Variants in PTPRG observed in about 807,000 individuals in gnomAD.
The protein encoded by PTPRG is protein tyrosine phosphatase receptor type G.
PTPRG carries 102 observed loss-of-function variants against 165.3 expected under a neutral mutation model. That is an observed-to-expected ratio of 0.62 (90% confidence interval 0.53 to 0.73). The LOEUF is 0.73. Ranked by LOEUF, PTPRG falls within the 30% of genes least tolerant of loss-of-function variation. The pLI is 0.00. For synonymous variants in PTPRG, 675 were observed against 669.5 expected, an observed-to-expected ratio of 1.01 and a Z score of -0.13; for missense variants, 1,866 against 1,861.4, an observed-to-expected ratio of 1.00 and a Z score of -0.05.
chr3:62,037,159 A>G (rs1699972496), intron 4 of PTPRG, among the ~76,000 whole-genome samples: 2 of 152,216 alleles, frequency 1.3e-5, no homozygotes, highest in African/African-American at 4.8e-5. Flanking sequence ...GGAGTGGTTA[A>G]CTTACTGATG....
chr3:61,781,890 G>GTTT (rs34682047), intron 2 of PTPRG, among the ~76,000 whole-genome samples: 1,708 of 133,734 alleles, frequency 0.013, 40 homozygotes, highest in African/African-American at 0.022. Flanking sequence ...ACCATGCCCA[G>GTTT]TTTTTTTTTT....
At position 61,580,174 on chromosome 3, in the gene PTPRG, G is replaced by A. The variant is rs77898169; in HGVS notation, c.85+17802G>A. On this transcript the variant is annotated intron_variant, in intron 1 of 29. Coordinates refer to ENST00000474889, the MANE Select transcript of PTPRG (RefSeq NM_002841.4). ...CAGAGTTGTACTCTGAGCCAGGCAC[G>A]GTGGAACCTGTAATCCCAGCTACTC... Among the ~76,000 whole-genome samples, 6 of 152,208 alleles carry A rather than the reference G, an allele frequency of 3.9e-5. No homozygotes were observed. The East Asian group carries it at 5.8e-4, about 15-fold the overall frequency.
chr3:61,775,172 T>C (rs1438361974), intron 2 of PTPRG, among the ~76,000 whole-genome samples: 3 of 152,076 alleles, frequency 2.0e-5, no homozygotes, highest in Non-Finnish European at 2.9e-5. Context: ...CCAGGTTCAA[T>C]TGATTCTCCT....
chr3:61,741,778 C>T (rs1435472343), intron 1 of PTPRG, among the ~76,000 whole-genome samples: 1 of 152,012 alleles, frequency 6.6e-6, no homozygotes, highest in Non-Finnish European at 1.5e-5. Flanking sequence ...TTTTGGAATC[C>T]TTTGTGGCCA....
chr3:61,997,348 C>T (rs553386823), intron 3 of PTPRG, among the ~76,000 whole-genome samples: 10 of 152,272 alleles, frequency 6.6e-5, no homozygotes, highest in South Asian at 2.1e-4. Flanking sequence ...CTCTCTCAAG[C>T]ATATCAAGGA....
At chr3:61,636,706 C>G (rs1053478578) in intron 1 of PTPRG, among the ~76,000 whole-genome samples, 1 of 152,166 alleles carries the variant, frequency 6.6e-6, no homozygotes, top group African/African-American at 2.4e-5. Flanking sequence ...ACTCTCATTT[C>G]TTTATGGGTA....
At chr3:62,057,678 G>C (rs991899866) in intron 4 of PTPRG, among the ~76,000 whole-genome samples, 1 of 152,180 alleles carries the variant, frequency 6.6e-6, no homozygotes, top group Non-Finnish European at 1.5e-5. Flanking sequence ...TAACAGTGCT[G>C]ATGTATGGGA....
chr3:61,730,283 T>G (rs2032441731), intron 1 of PTPRG, among the ~76,000 whole-genome samples: 1 of 152,212 alleles, frequency 6.6e-6, no homozygotes, highest in Non-Finnish European at 1.5e-5. Context: ...TGCAGACCTT[T>G]ATGGCTCAAA....
rs575208131 is a variant in PTPRG, at chr3:62,075,387, T to C, written c.520-2776T>C. 1.1e-4 allele frequency among the ~76,000 whole-genome samples: 17 copies of C among 152,306 alleles called. No homozygotes were observed. In the South Asian group the frequency reaches 1.9e-3, roughly 17 times the overall value. The stretch of plus-strand genomic sequence containing the variant: ...TTAGTAGTATTGTATCCAAAGCAAT[T>C]CACCTAATATTAAACCATTCTAATC... On this transcript the variant is annotated intron_variant, in intron 4 of 29. Transcript: ENST00000474889.
chr3:61,994,422 G>A (rs963705118), intron 3 of PTPRG, among the ~76,000 whole-genome samples: 6 of 152,100 alleles, frequency 3.9e-5, no homozygotes, highest in African/African-American at 1.2e-4. Context: ...CATTGTATTG[G>A]TTTATTATAT....
intron 5 of PTPRG, among the ~76,000 whole-genome samples, chr3:62,121,242 C>T (rs544745534): frequency 1.8e-4 from 28 of 151,978 alleles, no homozygotes; most frequent in African/African-American, 5.8e-4. Flanking sequence ...CGTGAGCCAC[C>T]GCGCCCAGCC....
chr3:61,591,240 G>A (rs996086631), intron 1 of PTPRG, among the ~76,000 whole-genome samples: 2 of 152,224 alleles, frequency 1.3e-5, no homozygotes, highest in Non-Finnish European at 2.9e-5. Context: ...TGGATCATAG[G>A]ATAATAGAAA....
At chr3:62,206,223 G>C (rs1700225752) in intron 12 of PTPRG, among the ~76,000 whole-genome samples, 1 of 152,168 alleles carries the variant, frequency 6.6e-6, no homozygotes, top group African/African-American at 2.4e-5. Context: ...TCAGGTTCCA[G>C]ATTCCAGAGA....
At chr3:61,900,207 C>T (rs935689083) in intron 2 of PTPRG, among the ~76,000 whole-genome samples, 1 of 151,870 alleles carries the variant, frequency 6.6e-6, no homozygotes, top group Non-Finnish European at 1.5e-5. Flanking sequence ...GTAATGTCGT[C>T]GTTTATCTGT....
chr3:61,786,992 A>G (rs1398869838), intron 2 of PTPRG, among the ~76,000 whole-genome samples: 2 of 152,132 alleles, frequency 1.3e-5, no homozygotes, highest in East Asian at 1.9e-4. Flanking sequence ...TTTTTAACAT[A>G]TATCCTGAAA....
intron 1 of PTPRG, among the ~76,000 whole-genome samples, chr3:61,621,935 C>A (rs1009773295): frequency 6.6e-6 from 1 of 152,100 alleles, no homozygotes; most frequent in Admixed American, 6.5e-5. Context: ...TGTGTACATG[C>A]CCATTTAATT....
At chr3:61,659,947 C>T (rs1176661074) in intron 1 of PTPRG, among the ~76,000 whole-genome samples, 1 of 152,038 alleles carries the variant, frequency 6.6e-6, no homozygotes, top group East Asian at 1.9e-4. Context: ...GAAATTCTGG[C>T]CGGGCGCGGT....
intron 2 of PTPRG, among the ~76,000 whole-genome samples, chr3:61,790,837 A>T (rs2034848690): frequency 6.6e-6 from 1 of 152,048 alleles, no homozygotes; most frequent in Non-Finnish European, 1.5e-5. Flanking sequence ...ATGTCGAATA[A>T]GTCATTCATC....
intron 1 of PTPRG, among the ~76,000 whole-genome samples, chr3:61,677,078 C>G (rs1703258824): frequency 6.6e-6 from 1 of 151,974 alleles, no homozygotes; most frequent in Non-Finnish European, 1.5e-5. Context: ...AACCCCATCT[C>G]TACTAAAAAT....
Sources: gnomAD v4.1 joint callset for allele counts (sites outside exome capture counted in the v4.1 genomes callset) on GRCh38, gnomAD v4.1.1 for gene constraint, MANE v1.5 for transcripts, NCBI Gene and HGNC (gene_info 2026-07-23, HGNC 2026-07-21) for gene names.